The following C1orf232 variants were observed in gnomAD, a reference collection of about 807,000 sequenced individuals.
C1orf232 encodes the protein chromosome 1 open reading frame 230.
Under a neutral mutation model 12.1 loss-of-function variants are expected in C1orf232, and 10 were observed. The ratio of observed to expected loss-of-function variants is 0.82; its 90% confidence interval spans 0.51 to 1.40. C1orf232 has a LOEUF of 1.40. Ranked by LOEUF, C1orf232 falls within the 40% of genes most tolerant of loss-of-function variation. The pLI is 0.00. For missense variants in C1orf232, 88 were observed against 98.4 expected, an observed-to-expected ratio of 0.89 and a Z score of 0.45; for synonymous variants, 36 against 39.8, an observed-to-expected ratio of 0.90 and a Z score of 0.36.
Position 26,164,480 on chromosome 1 carries a change from G to C in C1orf232, c.267-25C>G, listed in dbSNP as rs1398519001. Reference sequence around the variant, plus strand: ...GCTGCGGGAGAGGGCCGCGGTCAGGGAAGCGGCCGGGCGGTCCCGCGGAGG... The same window carrying C: ...GCTGCGGGAGAGGGCCGCGGTCAGGCAAGCGGCCGGGCGGTCCCGCGGAGG... On this transcript the variant is annotated intron_variant, in intron 3 of 3. Coordinates refer to ENST00000634842, the MANE Select transcript of C1orf232 (RefSeq NM_001364669.2). This position sits in a 1 kb window ranked among gnomAD's most constrained non-coding sequence, Gnocchi z 4.2. 1 of 376,338 alleles carries C rather than the reference G, an allele frequency of 2.7e-6. No homozygotes were observed. The highest frequency in any genetic ancestry group is 4.7e-6 in the Non-Finnish European group (1 of 211,758). The allele number at this position is 376,338 out of a possible 1,614,324, so 23.3% of individuals were successfully genotyped here. A position where few individuals can be genotyped will look rare whatever the true frequency, so the allele number is the denominator to read the frequency against.
In C1orf232 at chr1:26,168,482, C is replaced by T; in HGVS notation, c.18G>A (p.Trp6Ter). The T allele has an allele frequency of 8.1e-7, 1 of 1,231,910 alleles. No homozygotes were observed. The highest frequency in any genetic ancestry group is 1.0e-6 in the Non-Finnish European group (1 of 988,114). 76.3% of individuals were successfully genotyped at this position (1,231,910 alleles called of 1,614,324 possible). Residue 6 changes from tryptophan (W) to a stop codon, truncating the protein, a stop_gained, in exon 1 of 4, where the codon TGG (tryptophan) becomes TGA (stop). Coordinates refer to ENST00000634842, the MANE Select transcript of C1orf232 (RefSeq NM_001364669.2). LOFTEE classifies it high-confidence loss of function. ...GTAGCACTTTGGACTTGTAGGTTTT[C>T]CAGAAGGCCTGGTTCATGGCTGCAG... is the stretch of plus-strand genomic sequence containing the variant. MNQAF[W>*]KTYKSKVLQT...
intron 3 of C1orf232, chr1:26,165,594 A>T (rs1435907691): frequency 7.4e-6 from 5 of 678,652 alleles, no homozygotes; most frequent in Non-Finnish European, 8.3e-6. Context: ...GAGCCCATAA[A>T]TACCTTCTAG....
chr1:26,165,634 T>G, intron 3 of C1orf232, 192 bp downstream of exon 3: 1 of 1,030,714 alleles, frequency 9.7e-7, no homozygotes, highest in African/African-American at 1.7e-5. Flanking sequence ...GGTCGATTCC[T>G]CCTGAGATTT....
chr1:26,164,661 G>A lies in C1orf232; in HGVS notation c.267-206C>T, dbSNP rs1017121958. Among the ~76,000 whole-genome samples the A allele has an allele frequency of 1.3e-5, 2 of 152,132 alleles. No homozygotes were observed. Among genetic ancestry groups the A allele is most frequent in the Non-Finnish European group, 2.9e-5 (2 of 68,010 alleles). Reference sequence around the variant, plus strand: ...GCAAGGGGAGGGCTCAGAGGCCCTGGGAAAGGGGTCTGGGGTGGGACAGGG... The same window carrying A: ...GCAAGGGGAGGGCTCAGAGGCCCTGAGAAAGGGGTCTGGGGTGGGACAGGG... On this transcript the variant is annotated intron_variant, in intron 3 of 3. Transcript: ENST00000634842. The surrounding 1 kb of genome is among the most constrained non-coding windows in gnomAD (Gnocchi z 4.2).
rs989215557 is a variant in C1orf232 at position 26,164,926 on chromosome 1, G to C, written c.267-471C>G. Among the ~76,000 whole-genome samples the C allele has an allele frequency of 1.3e-5, 2 of 152,050 alleles. No homozygotes were observed. The highest frequency in any genetic ancestry group is 2.9e-5 in the Non-Finnish European group (2 of 68,004). On this transcript the variant is annotated intron_variant, in intron 3 of 3. Transcript: ENST00000634842. The surrounding 1 kb of genome is among the most constrained non-coding windows in gnomAD (Gnocchi z 4.2). ...GACAGGAATCAGGTTCTGAGATTGA[G>C]GGAAAGGGGGACTAGGAGCACGGGA... is the stretch of plus-strand genomic sequence containing the variant.
Position 26,164,117 on chromosome 1 carries a change from T to C in C1orf232, c.*44A>G, listed in dbSNP as rs563824418. ...CACACAGGCTGTCGGGCCAGGGTTT[T>C]TTATCAGGGGTGGGAGCAGCGGGCG... On this transcript the variant is annotated 3_prime_UTR_variant, in exon 4 of 4. Transcript: ENST00000634842. This position sits in a 1 kb window ranked among gnomAD's most constrained non-coding sequence, Gnocchi z 4.2. 5 of 398,004 alleles carry C rather than the reference T, an allele frequency of 1.3e-5. No homozygotes were observed. The South Asian group carries it at 6.4e-4, about 51-fold the overall frequency. 24.7% of individuals were successfully genotyped at this position (398,004 alleles called of 1,614,324 possible). A position where few individuals can be genotyped will look rare whatever the true frequency, so the allele number is the denominator to read the frequency against.
At chr1:26,165,953 G>T in intron 2 of C1orf232, 30 bp from the exon 3 acceptor site, 1 of 1,231,302 alleles carries the variant, frequency 8.1e-7, no homozygotes, top group Non-Finnish European at 1.0e-6. Context: ...TCAGGGAGGG[G>T]GTCCAGCACA....
intron 3 of C1orf232, among the ~76,000 whole-genome samples, chr1:26,165,016 G>A (rs1048450133): frequency 1.3e-5 from 2 of 151,800 alleles, no homozygotes; most frequent in African/African-American, 4.8e-5. Flanking sequence ...CTCAAGAGAA[G>A]TGGGAAGATG....
At position 26,164,432 on chromosome 1, in the gene C1orf232, G is replaced by C. The variant is rs2088402446; in HGVS notation, c.290C>G (p.Ser97Trp). Residue 97 changes from serine to tryptophan, a missense_variant, in exon 4 of 4, where the codon TCG becomes TGG. By Grantham distance (177) the Ser-to-Trp change is radical. Transcript: ENST00000634842. The surrounding 1 kb of genome is among the most constrained non-coding windows in gnomAD (Gnocchi z 4.2). ...CGCCTCCGCCGCCGCCGCCGCCTGC[G>C]AGGGGGGTCGCGCCGCCAGAGGGCT... ...ADHPLAARPP[S>W]QAAAAAEARG... 1 of 379,838 alleles carries C rather than the reference G, an allele frequency of 2.6e-6. No homozygotes were observed. The highest frequency in any genetic ancestry group is 4.6e-5 in the Admixed American group (1 of 21,966). 23.5% of individuals were successfully genotyped at this position (379,838 alleles called of 1,614,324 possible).
intron 1 of C1orf232, 57 bp downstream of exon 1, chr1:26,168,359 C>T: frequency 8.5e-7 from 1 of 1,179,346 alleles, no homozygotes; most frequent in Non-Finnish European, 1.1e-6. Flanking sequence ...CTTCATACTG[C>T]TCATTCCTGC....
Position 26,164,293 on chromosome 1 carries a change from C to A in C1orf232, c.429G>T (p.Ala143=), listed in dbSNP as rs1569854642. 2 of 398,028 alleles carry A rather than the reference C, an allele frequency of 5.0e-6. No homozygotes were observed. Among genetic ancestry groups the A allele is most frequent in the East Asian group, 7.1e-5 (2 of 28,048 alleles). The allele number at this position is 398,028 out of a possible 1,614,324, so 24.7% of individuals were successfully genotyped here. Residue 143 remains alanine (A), a synonymous_variant, in exon 4 of 4, where the codon GCG becomes GCT. Transcript: ENST00000634842. This position sits in a 1 kb window ranked among gnomAD's most constrained non-coding sequence, Gnocchi z 4.2. ...EPTPEPDPEP[A]DEAAEEAAER... is the part of the protein sequence containing the mutation. ...CTGCGGCCTCCTCCGCGGCCTCGTC[C>A]GCGGGTTCGGGGTCCGGCTCCGGAG... is the stretch of plus-strand genomic sequence containing the variant.
intron 1 of C1orf232, among the ~76,000 whole-genome samples, chr1:26,167,934 TTTG>T (rs925825588): frequency 3.3e-5 from 5 of 152,176 alleles, no homozygotes; most frequent in East Asian, 1.9e-4. Flanking sequence ...CAGCCTGTTT[TTTG>T]TTGTTGTTGT....
rs1209282041 is a variant in C1orf232 at position 26,164,353 on chromosome 1, G to A, written c.369C>T (p.Ala123=). 1.8e-5 allele frequency: 7 copies of A among 395,172 alleles called. No homozygotes were observed. Among genetic ancestry groups the A allele is most frequent in the Middle Eastern group, 6.3e-4 (1 of 1,590 alleles). The allele number at this position is 395,172 out of a possible 1,614,324, so 24.5% of individuals were successfully genotyped here. Residue 123 remains alanine, a synonymous_variant, in exon 4 of 4, where the codon GCC becomes GCT. Coordinates refer to ENST00000634842, the MANE Select transcript of C1orf232 (RefSeq NM_001364669.2). The surrounding 1 kb of genome is among the most constrained non-coding windows in gnomAD (Gnocchi z 4.2). ...TGCCGCGCAGCATGGACGCCGCCGC[G>A]GCCTGCTGCTGCTGCCACCTGCTGG... ...AFASRWQQQQ[A]AAASMLRGTE...
At position 26,164,541 on chromosome 1, in the gene C1orf232, C is replaced by T. The variant is rs1187147096; in HGVS notation, c.267-86G>A. The stretch of plus-strand genomic sequence containing the variant: ...GGGCTGACGGAGGAGTTTAGTGGGG[C>T]CGGGGGAACCTGGGCGGAGTCAGGG... On this transcript the variant is annotated intron_variant, in intron 3 of 3. Coordinates refer to ENST00000634842, the MANE Select transcript of C1orf232 (RefSeq NM_001364669.2). The surrounding 1 kb of genome is among the most constrained non-coding windows in gnomAD (Gnocchi z 4.2). The T allele has an allele frequency of 8.3e-6, 3 of 359,656 alleles. No homozygotes were observed. The highest frequency in any genetic ancestry group is 9.4e-5 in the Admixed American group (2 of 21,326). 22.3% of individuals were successfully genotyped at this position (359,656 alleles called of 1,614,324 possible).
intron 1 of C1orf232, among the ~76,000 whole-genome samples, chr1:26,167,201 G>A (rs905459371): frequency 3.3e-5 from 5 of 152,158 alleles, no homozygotes; most frequent in Non-Finnish European, 5.9e-5. Flanking sequence ...GACTGTCCCT[G>A]GTTTCAGAAA....
rs556905881 is a variant in C1orf232, at chr1:26,168,540, G to T, written c.-41C>A. On this transcript the variant is annotated 5_prime_UTR_variant, in exon 1 of 4. Transcript: ENST00000634842. ...GGGCCTGGCACGCAAGCACAGGAAG[G>T]TGGTGGCTCAGTGGATACCAGTGAG... is the stretch of plus-strand genomic sequence containing the variant. 9.9e-4 allele frequency: 1,209 copies of T among 1,217,672 alleles called. 3 individuals are homozygous for T. The highest frequency in any genetic ancestry group is 1.2e-3 in the Non-Finnish European group (1,158 of 975,138). The allele number at this position is 1,217,672 out of a possible 1,614,324, so 75.4% of individuals were successfully genotyped here.
chr1:26,165,830 C>T lies in C1orf232; in HGVS notation c.262G>A (p.Asp88Asn). ...CACAAACACACACGCACATACTGGTCAGCGCAAGGCTCTGATGGCAGCAGC... is the reference window on the plus strand; with the variant it reads ...CACAAACACACACGCACATACTGGTTAGCGCAAGGCTCTGATGGCAGCAGC... ...DKLLPSEPCADHPLAARPPSQ... is the reference protein window; with the variant it reads ...DKLLPSEPCANHPLAARPPSQ... Residue 88 changes from aspartate (D) to asparagine (N), a missense_variant, in exon 3 of 4, where the codon GAC becomes AAC. Transcript: ENST00000634842. 8.1e-7 allele frequency: 1 copy of T among 1,231,772 alleles called. No individual in the cohort carries two copies. Among genetic ancestry groups the T allele is most frequent in the Non-Finnish European group, 1.0e-6 (1 of 987,966 alleles). 76.3% of individuals were successfully genotyped at this position (1,231,772 alleles called of 1,614,324 possible). A position where few individuals can be genotyped will look rare whatever the true frequency, so the allele number is the denominator to read the frequency against.
At chr1:26,165,751 A>T in intron 3 of C1orf232, 75 bp downstream of exon 3, 1 of 1,231,700 alleles carries the variant, frequency 8.1e-7, no homozygotes, top group South Asian at 4.1e-5. Context: ...AGACAAACAA[A>T]CCAGAAGGAA....
rs1313357418 is a variant in C1orf232 at position 26,164,119 on chromosome 1, T to TA, written c.*41dup. The TA allele has an allele frequency of 1.0e-5, 4 of 397,938 alleles. No individual in the cohort carries two copies. In the Admixed American group the frequency reaches 1.8e-4, roughly 18 times the overall value. The allele number at this position is 397,938 out of a possible 1,614,324, so 24.7% of individuals were successfully genotyped here. On this transcript the variant is annotated 3_prime_UTR_variant, in exon 4 of 4. Coordinates refer to ENST00000634842, the MANE Select transcript of C1orf232 (RefSeq NM_001364669.2). This position sits in a 1 kb window ranked among gnomAD's most constrained non-coding sequence, Gnocchi z 4.2. The stretch of plus-strand genomic sequence containing the variant: ...CACAGGCTGTCGGGCCAGGGTTTTT[T>TA]ATCAGGGGTGGGAGCAGCGGGCGCG...
Sources: allele counts gnomAD v4.1 joint callset (sites outside exome capture counted in the v4.1 genomes callset), GRCh38; gene constraint gnomAD v4.1.1; non-coding constraint Gnocchi (gnomAD v3.1); transcripts MANE v1.5; gene names NCBI Gene and HGNC (gene_info 2026-07-23, HGNC 2026-07-21).